The following ADCY8 variants were observed in gnomAD, a reference collection of about 807,000 sequenced individuals.
ADCY8 encodes adenylate cyclase 8, also known as adenylate cyclase type 8.
Under a neutral mutation model 119.7 loss-of-function variants are expected in ADCY8, and 51 were observed. The observed-to-expected ratio is 0.43, with a 90% confidence interval of 0.34 to 0.54. The LOEUF is 0.54. Ranked by LOEUF, ADCY8 falls within the 20% of genes least tolerant of loss-of-function variation. ADCY8 has a pLI of 0.03. For synonymous variants in ADCY8, 665 were observed against 651.0 expected, an observed-to-expected ratio of 1.02 and a Z score of -0.33; for missense variants, 1,383 against 1,598.8, an observed-to-expected ratio of 0.87 and a Z score of 2.30.
intron 1 of ADCY8, among the ~76,000 whole-genome samples, chr8:130,998,711 G>A (rs1456616877): frequency 6.6e-6 from 1 of 152,158 alleles, no homozygotes; most frequent in East Asian, 1.9e-4. Flanking sequence ...AAGAGATTTT[G>A]ACATGGACCA....
intron 1 of ADCY8, among the ~76,000 whole-genome samples, chr8:130,993,054 A>G (rs1014410329): frequency 3.3e-5 from 5 of 152,172 alleles, no homozygotes; most frequent in African/African-American, 4.8e-5. Context: ...AGATTTTCAC[A>G]TTAGATAAAA....
intron 9 of ADCY8, among the ~76,000 whole-genome samples, chr8:130,854,080 G>C (rs1817629309): frequency 2.6e-5 from 4 of 152,202 alleles, no homozygotes; most frequent in Admixed American, 2.6e-4. Flanking sequence ...TTAAGCAAAA[G>C]TACTGACACT....
At chr8:131,025,252 C>A (rs953802632) in intron 1 of ADCY8, among the ~76,000 whole-genome samples, 5 of 152,080 alleles carry the variant, frequency 3.3e-5, no homozygotes, top group African/African-American at 9.7e-5. Context: ...TTTCATTTTT[C>A]TTTTTCTTTA....
intron 7 of ADCY8, among the ~76,000 whole-genome samples, chr8:130,897,214 G>A (rs1166487545): frequency 2.0e-5 from 3 of 152,056 alleles, no homozygotes; most frequent in Non-Finnish European, 4.4e-5. Context: ...GCTCAGCATT[G>A]GATCCACAAG....
chr8:130,976,754 A>G (rs943400968), intron 2 of ADCY8, among the ~76,000 whole-genome samples: 52 of 152,334 alleles, frequency 3.4e-4, no homozygotes, highest in African/African-American at 1.2e-3. Flanking sequence ...TTAAAATTCA[A>G]ATAAGAAGCC....
intron 9 of ADCY8, among the ~76,000 whole-genome samples, chr8:130,863,467 T>C (rs146570349): frequency 9.6e-4 from 146 of 152,038 alleles, no homozygotes; most frequent in African/African-American, 3.4e-3. Flanking sequence ...CAAAGAGTAA[T>C]ATTTTTGTGC....
At position 130,814,235 on chromosome 8, in the gene ADCY8, A is replaced by T. The variant is rs542502171; in HGVS notation, c.2755-8T>A. The T allele has an allele frequency of 4.3e-6, 7 of 1,613,504 alleles. No homozygotes were observed. In the South Asian group the frequency reaches 7.7e-5, roughly 18 times the overall value. ...GCGGGCTGTGTACTCCAGCTGCAGT[A>T]CATGTGAGAGAAAGAGGAGAATGAG... On this transcript the variant is annotated splice_region_variant and splice_polypyrimidine_tract_variant and intron_variant, in intron 13 of 17. Coordinates refer to ENST00000286355, the MANE Select transcript of ADCY8 (RefSeq NM_001115.3).
At chr8:130,908,204 A>G (rs1228518237) in intron 6 of ADCY8, among the ~76,000 whole-genome samples, 1 of 152,090 alleles carries the variant, frequency 6.6e-6, no homozygotes, top group South Asian at 2.1e-4. Context: ...TATCTTACAA[A>G]CCCCCAAAGC....
intron 15 of ADCY8, among the ~76,000 whole-genome samples, chr8:130,797,458 T>A (rs1419485566): frequency 2.6e-5 from 4 of 152,208 alleles, no homozygotes; most frequent in Non-Finnish European, 5.9e-5. Flanking sequence ...TAACCTATCT[T>A]CACCTTACTA....
intron 2 of ADCY8, among the ~76,000 whole-genome samples, chr8:130,986,242 A>C (rs1035711776): frequency 3.3e-5 from 5 of 152,206 alleles, no homozygotes; most frequent in African/African-American, 1.2e-4. Flanking sequence ...TTAGTTTTCT[A>C]ATGGAGGGCA....
intron 8 of ADCY8, among the ~76,000 whole-genome samples, chr8:130,872,995 T>C (rs923144222): frequency 2.1e-4 from 32 of 152,178 alleles, no homozygotes; most frequent in African/African-American, 7.2e-4. Flanking sequence ...GGTTTTTAGA[T>C]CCACCACAAA....
intron 8 of ADCY8, among the ~76,000 whole-genome samples, chr8:130,884,035 ACT>A (rs1326496369): frequency 8.8e-6 from 1 of 113,258 alleles, no homozygotes; most frequent in Non-Finnish European, 1.8e-5. Flanking sequence ...TTCAAATTTG[ACT>A]CTGAATCCAC....
intron 12 of ADCY8, among the ~76,000 whole-genome samples, chr8:130,828,632 T>C (rs1310508195): frequency 6.6e-6 from 1 of 152,226 alleles, no homozygotes; most frequent in Non-Finnish European, 1.5e-5. Flanking sequence ...GCCCCTCTAC[T>C]AAAAACCAGG....
At chr8:130,923,462 T>C (rs1052099331) in intron 5 of ADCY8, among the ~76,000 whole-genome samples, 1 of 152,240 alleles carries the variant, frequency 6.6e-6, no homozygotes, top group Non-Finnish European at 1.5e-5. Context: ...TGATTAACTG[T>C]TGGGGACAAA....
intron 2 of ADCY8, among the ~76,000 whole-genome samples, chr8:130,972,637 G>A (rs182632751): frequency 2.0e-5 from 3 of 152,092 alleles, no homozygotes; most frequent in African/African-American, 7.2e-5. Flanking sequence ...TTCTCTTAGG[G>A]CCAGCTTATA....
intron 1 of ADCY8, among the ~76,000 whole-genome samples, chr8:131,023,542 A>G (rs913090196): frequency 6.6e-6 from 1 of 152,132 alleles, no homozygotes; most frequent in Non-Finnish European, 1.5e-5. Context: ...TAAGTTTTAT[A>G]TTTTAGTGCT....
chr8:130,854,816 TCCC>T (rs1817658730), intron 9 of ADCY8, among the ~76,000 whole-genome samples: 1 of 32,188 alleles, frequency 3.1e-5, no homozygotes, highest in Non-Finnish European at 6.4e-5. Flanking sequence ...CCTCCCTCCC[TCCC>T]TCCCTCCCTC....
At chr8:130,815,801 A>G (rs1285266057) in intron 13 of ADCY8, among the ~76,000 whole-genome samples, 2 of 152,226 alleles carry the variant, frequency 1.3e-5, no homozygotes, top group African/African-American at 2.4e-5. Flanking sequence ...CATCTCTGAA[A>G]TTGATGTGAA....
intron 5 of ADCY8, among the ~76,000 whole-genome samples, chr8:130,913,406 G>GA (rs1820038205): frequency 6.6e-6 from 1 of 151,734 alleles, no homozygotes; most frequent in African/African-American, 2.4e-5. Flanking sequence ...CAATTGTTTT[G>GA]ATTTTTAGAT....
Sources: gnomAD v4.1 joint callset for allele counts (sites outside exome capture counted in the v4.1 genomes callset) on GRCh38, gnomAD v4.1.1 for gene constraint, MANE v1.5 for transcripts, NCBI Gene and HGNC (gene_info 2026-07-23, HGNC 2026-07-21) for gene names.